Variants in REV3L observed in about 807,000 individuals in gnomAD.
REV3L encodes DNA polymerase zeta catalytic subunit.
A neutral mutation model predicts 299.4 loss-of-function variants in REV3L; 69 were observed. That is an observed-to-expected ratio of 0.23 (90% CI 0.19 to 0.28). The LOEUF (loss-of-function observed/expected upper bound fraction) is 0.28. Among genes scored for constraint, REV3L ranks in the 10% least tolerant of loss-of-function variants. REV3L has a pLI of 1.00. For missense variants in REV3L, 3,128 were observed against 3,693.8 expected (o/e 0.85, Z 3.97); for synonymous variants, 1,238 against 1,271.4 (o/e 0.97, Z 0.56).
rs1294796867 is a variant in REV3L, at chr6:111,332,095, G to A, written c.7926-311C>T. ...TTTTATTATTATTATTTTTTGAGATGGAGTCTCGCTCTGTCACCCAGGCTG... is the reference window on the plus strand; with the variant it reads ...TTTTATTATTATTATTTTTTGAGATAGAGTCTCGCTCTGTCACCCAGGCTG... On this transcript the variant is annotated intron_variant, in intron 23 of 31. Coordinates refer to ENST00000368802, the MANE Select transcript of REV3L (RefSeq NM_001372078.1). 3.3e-5 allele frequency among the ~76,000 whole-genome samples: 5 copies of A among 151,934 alleles called. No homozygotes were observed. The East Asian group carries it at 9.6e-4, about 29-fold the overall frequency.
chr6:111,414,726 C>T (rs1784578618), intron 2 of REV3L, among the ~76,000 whole-genome samples: 1 of 152,092 alleles, frequency 6.6e-6, no homozygotes, highest in African/African-American at 2.4e-5. Context: ...CCTCTACCTT[C>T]CGTCTTCCTA....
intron 1 of REV3L, among the ~76,000 whole-genome samples, chr6:111,471,592 T>C (rs1405321221): frequency 1.3e-5 from 2 of 152,228 alleles, no homozygotes; most frequent in Non-Finnish European, 2.9e-5. Context: ...AGACATTAGC[T>C]GGTTATCTTA....
At chr6:111,352,246 G>T (rs1777645609) in intron 18 of REV3L, among the ~76,000 whole-genome samples, 1 of 152,132 alleles carries the variant, frequency 6.6e-6, no homozygotes, top group African/African-American at 2.4e-5. Flanking sequence ...GACTTCCAGT[G>T]ATCTGCCTGC....
intron 26 of REV3L, among the ~76,000 whole-genome samples, chr6:111,321,835 T>G (rs1453771428): frequency 6.6e-6 from 1 of 152,138 alleles, no homozygotes; most frequent in Non-Finnish European, 1.5e-5. Context: ...TGACTCTACG[T>G]CCCCAATATG....
chr6:111,389,977 A>C (rs1390154103), intron 6 of REV3L, 109 bp downstream of exon 6: 1 of 651,306 alleles, frequency 1.5e-6, no homozygotes, highest in South Asian at 1.7e-5. Context: ...CTCATGATCC[A>C]CCCACCTTGG....
intron 1 of REV3L, among the ~76,000 whole-genome samples, chr6:111,459,868 A>G (rs959827546): frequency 6.6e-6 from 1 of 152,128 alleles, no homozygotes; most frequent in Non-Finnish European, 1.5e-5. Context: ...GAGATTTCTA[A>G]AAGAACACAA....
chr6:111,306,061 T>C (rs1435108160), intron 31 of REV3L, among the ~76,000 whole-genome samples: 1 of 152,246 alleles, frequency 6.6e-6, no homozygotes, highest in Non-Finnish European at 1.5e-5. Flanking sequence ...GGCTATATGC[T>C]AGGCATAACT....
At chr6:111,367,017 T>G in intron 14 of REV3L, 98 bp downstream of exon 14, 1 of 1,033,312 alleles carries the variant, frequency 9.7e-7, no homozygotes, top group South Asian at 2.1e-5. Context: ...AGCTATACCT[T>G]CATTTAAAAA....
At chr6:111,331,843 C>G in intron 23 of REV3L, 59 bp from the exon 24 acceptor site, 1 of 1,128,148 alleles carries the variant, frequency 8.9e-7, no homozygotes, top group Non-Finnish European at 1.3e-6. Flanking sequence ...AGAGATTTTA[C>G]GCAATTTAAA....
At chr6:111,356,591 A>G (rs1409860944) in intron 18 of REV3L, 1 of 152,306 alleles carries the variant, frequency 6.6e-6, no homozygotes, top group Non-Finnish European at 1.5e-5. Flanking sequence ...AGAACTCAGA[A>G]AACTTTAAAA....
At chr6:111,307,984 G>C (rs1308368589) in intron 30 of REV3L, 4 of 303,080 alleles carry the variant, frequency 1.3e-5, no homozygotes, top group South Asian at 1.1e-4. Context: ...CCCGCCCTGT[G>C]TCCAAGTGTT....
At chr6:111,328,166 A>G (rs1224191722) in intron 25 of REV3L, among the ~76,000 whole-genome samples, 1 of 152,220 alleles carries the variant, frequency 6.6e-6, no homozygotes, top group Non-Finnish European at 1.5e-5. Context: ...ATGTCTTTCA[A>G]CTGTCACTAT....
At chr6:111,403,916 C>T (rs1264369000) in intron 4 of REV3L, among the ~76,000 whole-genome samples, 1 of 152,188 alleles carries the variant, frequency 6.6e-6, no homozygotes, top group Non-Finnish European at 1.5e-5. Context: ...ATGGAACACA[C>T]AAACGATGAG....
In REV3L at chr6:111,357,129, A is replaced by C. The variant is rs751394377; in HGVS notation, c.7073-4T>G. The C allele has an allele frequency of 7.5e-7, 1 of 1,327,312 alleles. No individual in the cohort carries two copies. The allele number at this position is 1,327,312 out of a possible 1,614,324, so 82.2% of individuals were successfully genotyped here. A position where few individuals can be genotyped will look rare whatever the true frequency, so the allele number is the denominator to read the frequency against. On this transcript the variant is annotated splice_polypyrimidine_tract_variant and splice_region_variant and intron_variant, in intron 17 of 31. Transcript: ENST00000368802. ...AATGGAGTCTGATATCTGATATCTA[A>C]AAAACAAACAAAATGTCTATTATAT...
Position 111,375,888 on chromosome 6 carries a change from G to C in REV3L, c.2467C>G (p.Pro823Ala), listed in dbSNP as rs999741232. Residue 823 changes from proline to alanine, a missense_variant, in exon 13 of 32, where the codon CCT (proline) becomes GCT (alanine). Physicochemically the swap from Pro to Ala is conservative, Grantham distance 27. This residue lies in a region of REV3L where 2,409 missense variants were observed against 2,611.8 expected (regional missense o/e 0.92). Transcript: ENST00000368802. ...KLSPVTYKLQ[P>A]GNKPSRLKLN... The stretch of plus-strand genomic sequence containing the variant: ...TTTAACCGGGATGGTTTATTGCCAG[G>C]TTGTAATTTATATGTGACAGGAGAT... 6.2e-7 allele frequency: 1 copy of C among 1,613,974 alleles called. No homozygotes were observed. The highest frequency in any genetic ancestry group is 1.7e-5 in the Admixed American group (1 of 60,016).
chr6:111,360,983 AATTTT>A (rs1237203784), intron 16 of REV3L, among the ~76,000 whole-genome samples: 3 of 152,192 alleles, frequency 2.0e-5, no homozygotes, highest in Non-Finnish European at 4.4e-5. Context: ...TTCAGAACTT[AATTTT>A]AACAATAAGC....
chr6:111,411,484 T>C lies in REV3L; in HGVS notation c.400A>G (p.Lys134Glu), dbSNP rs1784242303. ...KIYLYNPTMV[K>E]RICELLQSGA... ...TGGTTTCATTTATCTTTGTACCTTT[T>C]CACCATTGTAGGATTGTAAAGATAG... The change falls in exon 3 of 32, where the codon AAA becomes GAA. Residue 134 changes from lysine (K) to glutamate (E), a missense_variant. By Grantham distance (56) the Lys-to-Glu change is moderately conservative. Transcript: ENST00000368802. The C allele has an allele frequency of 1.3e-6, 2 of 1,567,616 alleles. No homozygotes were observed. Among genetic ancestry groups the C allele is most frequent in the African/African-American group, 2.7e-5 (2 of 73,234 alleles).
At chr6:111,379,846 C>A in intron 11 of REV3L, 136 bp downstream of exon 11, 1 of 662,888 alleles carries the variant, frequency 1.5e-6, no homozygotes. Context: ...AAAAACAGAT[C>A]ACTAAAGGGG....
intron 1 of REV3L, among the ~76,000 whole-genome samples, chr6:111,472,900 T>C (rs996894615): frequency 2.6e-5 from 4 of 152,198 alleles, no homozygotes; most frequent in African/African-American, 9.7e-5. Context: ...GGTCTCAAAA[T>C]CCACATCATG....
Sources: allele counts gnomAD v4.1 joint callset (sites outside exome capture counted in the v4.1 genomes callset), GRCh38; gene constraint gnomAD v4.1.1; regional missense constraint gnomAD v4.1.1; transcripts MANE v1.5; gene names NCBI Gene and HGNC (gene_info 2026-07-23, HGNC 2026-07-21).